NCK2: variants seen among roughly 807,000 people sequenced by gnomAD.
The protein encoded by NCK2 is NCK adaptor protein 2.
A neutral mutation model predicts 33.9 loss-of-function variants in NCK2; 16 were observed. The ratio of observed to expected loss-of-function variants is 0.47; its 90% CI spans 0.32 to 0.72. The LOEUF (loss-of-function observed/expected upper bound fraction) is 0.72. Ranked by LOEUF, NCK2 falls within the 30% of genes least tolerant of loss-of-function variation. The probability of loss-of-function intolerance (pLI) is 0.03; values close to 1 mark genes in which losing one functional copy is unlikely to be tolerated. For synonymous variants in NCK2, 273 were observed against 239.9 expected, an observed-to-expected ratio of 1.14 and a Z score of -1.27; for missense variants, 418 against 537.3, an observed-to-expected ratio of 0.78 and a Z score of 2.19.
rs1032811109 is a variant in NCK2 at position 105,882,614 on chromosome 2, G to T, written c.948+565G>T. ...AAAGAAAACAGGGGTTCTTGGGAGA[G>T]ATGAGTTTTGTTTGTGTGCAGTGAG... On this transcript the variant is annotated intron_variant, in intron 4 of 4. Transcript: ENST00000233154. 3.9e-5 allele frequency among the ~76,000 whole-genome samples: 6 copies of T among 152,300 alleles called. No individual in the cohort carries two copies. In the East Asian group the frequency reaches 1.2e-3, roughly 29 times the overall value.
intron 1 of NCK2, among the ~76,000 whole-genome samples, chr2:105,755,665 AAATGT>A (rs1185077810): frequency 6.6e-6 from 1 of 151,702 alleles, no homozygotes; most frequent in Non-Finnish European, 1.5e-5. Context: ...ATACCTTTTT[AAATGT>A]TAGTATTTTG....
intron 1 of NCK2, among the ~76,000 whole-genome samples, chr2:105,765,487 A>G (rs879425927): frequency 1.6e-4 from 24 of 151,738 alleles, no homozygotes; most frequent in Non-Finnish European, 1.9e-4. Context: ...CTTTGAAGGG[A>G]CTCCCTAATG....
At chr2:105,780,660 C>G (rs1407992227) in intron 1 of NCK2, among the ~76,000 whole-genome samples, 1 of 152,130 alleles carries the variant, frequency 6.6e-6, no homozygotes, top group African/African-American at 2.4e-5. Context: ...GATCCTACCC[C>G]CCAAGGTGAT....
chr2:105,884,113 T>C (rs1050530880), intron 4 of NCK2, among the ~76,000 whole-genome samples: 3 of 152,218 alleles, frequency 2.0e-5, no homozygotes, highest in African/African-American at 7.2e-5. Context: ...TCTTTTCTCC[T>C]GACAGCAGAA....
chr2:105,859,101 G>C lies in NCK2; in HGVS notation c.226+3812G>C, dbSNP rs1048423078. 1.1e-4 allele frequency among the ~76,000 whole-genome samples: 17 copies of C among 152,214 alleles called. 1 individual carries two copies. Among genetic ancestry groups the C allele is most frequent in the Non-Finnish European group, 4.4e-5 (3 of 68,044 alleles). ...TCCACTTAGAAAATTGTGCAGGCGAGGTGTTGTAAAAGCACTATGCTACAT... is the reference window on the plus strand; with the variant it reads ...TCCACTTAGAAAATTGTGCAGGCGACGTGTTGTAAAAGCACTATGCTACAT... On this transcript the variant is annotated intron_variant, in intron 3 of 4. Transcript: ENST00000233154.
At chr2:105,866,270 T>C (rs1315480449) in intron 3 of NCK2, among the ~76,000 whole-genome samples, 1 of 152,196 alleles carries the variant, frequency 6.6e-6, no homozygotes, top group Non-Finnish European at 1.5e-5. Flanking sequence ...GAAAAGCAAA[T>C]GCTCCGTGAT....
At chr2:105,865,413 C>A (rs1000618917) in intron 3 of NCK2, among the ~76,000 whole-genome samples, 7 of 152,160 alleles carry the variant, frequency 4.6e-5, no homozygotes, top group African/African-American at 1.7e-4. Flanking sequence ...CTGACTCTGC[C>A]TCTTGTGATT....
Position 105,893,235 on chromosome 2 carries a change from T to C in NCK2, c.*59T>C, listed in dbSNP as rs955447200. On this transcript the variant is annotated 3_prime_UTR_variant, in exon 5 of 5. Coordinates refer to ENST00000233154, the MANE Select transcript of NCK2 (RefSeq NM_003581.5). The stretch of plus-strand genomic sequence containing the variant: ...CCACGGTGGAGCTGCCCGCCCGGCC[T>C]TGTGGCAGAGGCTCCTCCCGCGGGG... 13 of 1,485,292 alleles carry C rather than the reference T, an allele frequency of 8.8e-6. No individual in the cohort carries two copies. In the African/African-American group the frequency reaches 1.8e-4, roughly 21 times the overall value. The allele number at this position is 1,485,292 out of a possible 1,614,324, so 92.0% of individuals were successfully genotyped here.
At chr2:105,787,892 C>G (rs904350137) in intron 1 of NCK2, among the ~76,000 whole-genome samples, 2 of 152,160 alleles carry the variant, frequency 1.3e-5, no homozygotes, top group African/African-American at 4.8e-5. Context: ...GAAACACATG[C>G]GTATACCGCC....
At chr2:105,803,092 A>G (rs973376084) in intron 1 of NCK2, among the ~76,000 whole-genome samples, 1 of 152,100 alleles carries the variant, frequency 6.6e-6, no homozygotes, top group African/African-American at 2.4e-5. Flanking sequence ...AAGAGATTAT[A>G]GTTCCCCTAG....
At chr2:105,766,589 T>G (rs1034403153) in intron 1 of NCK2, among the ~76,000 whole-genome samples, 1 of 152,156 alleles carries the variant, frequency 6.6e-6, no homozygotes, top group Non-Finnish European at 1.5e-5. Context: ...TCCCAAAATG[T>G]AGGGATTACA....
At chr2:105,775,539 C>T (rs774101471) in intron 1 of NCK2, among the ~76,000 whole-genome samples, 5 of 151,940 alleles carry the variant, frequency 3.3e-5, no homozygotes, top group Non-Finnish European at 7.4e-5. Flanking sequence ...TCTTTCTTAT[C>T]TCCTTTTGGG....
chr2:105,811,338 G>A (rs1675288244), intron 1 of NCK2, among the ~76,000 whole-genome samples: 1 of 152,170 alleles, frequency 6.6e-6, no homozygotes, highest in African/African-American at 2.4e-5. Context: ...TGGTGGCCAA[G>A]TTAGGCCTAC....
chr2:105,889,174 G>T (rs1678856620), intron 4 of NCK2, among the ~76,000 whole-genome samples: 1 of 152,190 alleles, frequency 6.6e-6, no homozygotes, highest in Non-Finnish European at 1.5e-5. Flanking sequence ...TCCATCAGAT[G>T]CAGGGACTGG....
intron 1 of NCK2, among the ~76,000 whole-genome samples, chr2:105,794,881 A>T (rs1293568884): frequency 1.3e-5 from 2 of 152,064 alleles, no homozygotes; most frequent in Admixed American, 1.3e-4. Flanking sequence ...GCAGCCAAAG[A>T]TGGTTATGTC....
Position 105,785,704 on chromosome 2 carries a change from G to A in NCK2, c.-200-30726G>A, listed in dbSNP as rs1434803914. On this transcript the variant is annotated intron_variant, in intron 1 of 4. Coordinates refer to ENST00000233154, the MANE Select transcript of NCK2 (RefSeq NM_003581.5). Reference sequence around the variant, plus strand: ...CCAGGGAGTCTGGGGCAGCCCTGCCGAGGTTAAGTTTGCCTTTGTGCTTTA... The same window carrying A: ...CCAGGGAGTCTGGGGCAGCCCTGCCAAGGTTAAGTTTGCCTTTGTGCTTTA... Among the ~76,000 whole-genome samples the A allele has an allele frequency of 3.3e-5, 5 of 152,338 alleles. No individual in the cohort carries two copies. In the East Asian group the frequency reaches 5.8e-4, roughly 18 times the overall value.
At chr2:105,789,240 T>C (rs1690790470) in intron 1 of NCK2, among the ~76,000 whole-genome samples, 1 of 151,816 alleles carries the variant, frequency 6.6e-6, no homozygotes, top group Non-Finnish European at 1.5e-5. Flanking sequence ...CAGGCTGGAG[T>C]GTAGTGGCGC....
chr2:105,881,340 C>G lies in NCK2; in HGVS notation c.239C>G (p.Thr80Arg). Reference protein sequence around the residue: ...NLKDTLGLGKTRRKTSARDAS... With the variant: ...NLKDTLGLGKRRRKTSARDAS... ...TGTGTCTCCACAGGCCTCGGCAAGA[C>G]GCGCAGGAAGACCAGCGCGCGGGAT... is the stretch of plus-strand genomic sequence containing the variant. Residue 80 changes from threonine (T) to arginine (R), a missense_variant, in exon 4 of 5, where the codon ACG becomes AGG. Thr to Arg is a moderately conservative substitution (Grantham distance 71). Coordinates refer to ENST00000233154, the MANE Select transcript of NCK2 (RefSeq NM_003581.5). 1 of 1,596,238 alleles carries G rather than the reference C, an allele frequency of 6.3e-7. No individual in the cohort carries two copies. The highest frequency in any genetic ancestry group is 8.5e-7 in the Non-Finnish European group (1 of 1,174,554).
intron 2 of NCK2, among the ~76,000 whole-genome samples, chr2:105,828,119 A>G (rs926678444): frequency 3.9e-5 from 6 of 152,232 alleles, no homozygotes; most frequent in Non-Finnish European, 8.8e-5. Flanking sequence ...AAAGAAAAAA[A>G]TGTTGAAAGA....
Sources: allele counts gnomAD v4.1 joint callset (sites outside exome capture counted in the v4.1 genomes callset), GRCh38; gene constraint gnomAD v4.1.1; transcripts MANE v1.5; gene names NCBI Gene and HGNC (gene_info 2026-07-23, HGNC 2026-07-21).